DHRSX: variants seen among roughly 807,000 people sequenced by gnomAD.
DHRSX encodes the protein polyprenol dehydrogenase.
A neutral mutation model predicts 34.0 loss-of-function variants in DHRSX; 31 were observed. The observed-to-expected ratio is 0.91, with a 90% CI of 0.69 to 1.23. DHRSX has a LOEUF of 1.23. DHRSX is among the 50% of genes most tolerant of loss of function. The pLI, the probability that DHRSX is intolerant of heterozygous loss-of-function variation, is 0.00. For synonymous variants in DHRSX, 201 were observed against 183.8 expected (o/e 1.09, Z -0.76); for missense variants, 414 against 428.1 (o/e 0.97, Z 0.29).
intron 3 of DHRSX, among the ~76,000 whole-genome samples, chrX:2,335,629 T>C (rs2042549662): frequency 6.6e-6 from 1 of 151,770 alleles, no homozygotes; most frequent in Non-Finnish European, 1.5e-5. Context: ...TTTTAAAATA[T>C]TTTTAGTAGA....
At chrX:2,322,930 G>T (rs759176489) in intron 3 of DHRSX, among the ~76,000 whole-genome samples, 23 of 152,048 alleles carry the variant, frequency 1.5e-4, no homozygotes, top group Non-Finnish European at 2.1e-4. Context: ...TGTTGTTGTT[G>T]TTGTTGTTTT....
intron 1 of DHRSX, among the ~76,000 whole-genome samples, chrX:2,448,274 A>G (rs1403334091): frequency 6.6e-6 from 1 of 152,212 alleles, no homozygotes; most frequent in Non-Finnish European, 1.5e-5. Flanking sequence ...TGGAGGCTGC[A>G]GTGAGCTATG....
chrX:2,367,527 A>G (rs1161095199), intron 3 of DHRSX, among the ~76,000 whole-genome samples: 1 of 152,114 alleles, frequency 6.6e-6, no homozygotes, highest in Non-Finnish European at 1.5e-5. Flanking sequence ...GGAATTGAAA[A>G]TAAGAACAGG....
intron 5 of DHRSX, among the ~76,000 whole-genome samples, chrX:2,248,830 C>T (rs2016365040): frequency 6.6e-6 from 1 of 152,048 alleles, no homozygotes; most frequent in Non-Finnish European, 1.5e-5. Context: ...TAGATCACAC[C>T]CTCTTCCTCC....
intron 1 of DHRSX, among the ~76,000 whole-genome samples, chrX:2,485,530 G>T (rs757628871): frequency 1.4e-5 from 2 of 147,206 alleles, no homozygotes; most frequent in African/African-American, 2.5e-5. Context: ...AAAGAGGAAG[G>T]GAGGGAGGGA....
At chrX:2,377,568 CA>C (rs2043156060) in intron 3 of DHRSX, among the ~76,000 whole-genome samples, 1 of 152,004 alleles carries the variant, frequency 6.6e-6, no homozygotes, top group South Asian at 2.1e-4. Flanking sequence ...AGTCCACAGC[CA>C]GGGGGTTGGA....
chrX:2,290,830 CTT>C (rs2041856660), intron 4 of DHRSX, among the ~76,000 whole-genome samples: 1 of 152,140 alleles, frequency 6.6e-6, no homozygotes, highest in Non-Finnish European at 1.5e-5. Context: ...TTCAGGTTAA[CTT>C]TTATAAAAAA....
intron 5 of DHRSX, among the ~76,000 whole-genome samples, chrX:2,245,978 C>CA (rs1218727541): frequency 7.6e-6 from 1 of 131,658 alleles, no homozygotes; most frequent in Non-Finnish European, 1.6e-5. Flanking sequence ...AACAAAAAAA[C>CA]AAAAAAACAC....
chrX:2,484,005 C>T (rs1484583216), intron 1 of DHRSX, among the ~76,000 whole-genome samples: 3 of 152,164 alleles, frequency 2.0e-5, no homozygotes, highest in East Asian at 3.9e-4. Context: ...CACGGAGTCT[C>T]GCTCTTGTCG....
At chrX:2,283,027 C>T (rs2041748838) in intron 4 of DHRSX, among the ~76,000 whole-genome samples, 1 of 147,674 alleles carries the variant, frequency 6.8e-6, no homozygotes, top group Non-Finnish European at 1.5e-5. Flanking sequence ...GACAGAGAGA[C>T]GGGGAGAAGG....
intron 1 of DHRSX, among the ~76,000 whole-genome samples, chrX:2,464,120 C>T (rs1040095198): frequency 6.6e-6 from 1 of 151,838 alleles, no homozygotes; most frequent in East Asian, 1.9e-4. Context: ...GGCTAAGGGA[C>T]GGCCGCCATG....
intron 3 of DHRSX, among the ~76,000 whole-genome samples, chrX:2,353,821 G>A (rs1200983311): frequency 6.6e-6 from 1 of 151,940 alleles, no homozygotes; most frequent in Non-Finnish European, 1.5e-5. Context: ...CTGACCTCAG[G>A]TGATCCTCCT....
At chrX:2,424,413 C>T (rs1380924886) in intron 2 of DHRSX, among the ~76,000 whole-genome samples, 2 of 152,076 alleles carry the variant, frequency 1.3e-5, no homozygotes, top group African/African-American at 4.8e-5. Context: ...TGTCTACAAG[C>T]CAAGGAGTGA....
intron 1 of DHRSX, among the ~76,000 whole-genome samples, chrX:2,452,338 G>A (rs1410470406): frequency 4.6e-5 from 7 of 151,122 alleles, no homozygotes; most frequent in Non-Finnish European, 2.9e-5. Flanking sequence ...GGACGGCACT[G>A]AAGACGTTCC....
intron 1 of DHRSX, among the ~76,000 whole-genome samples, chrX:2,426,464 CTCCCTCCTTCCTTCCT>C (rs1048676612): frequency 8.5e-6 from 1 of 118,224 alleles, no homozygotes; most frequent in African/African-American, 3.3e-5. Flanking sequence ...CTTTCCTTCC[CTCCCTCCTTCCTTCCT>C]TCCCTCCCTC....
intron 1 of DHRSX, chrX:2,490,462 C>T: frequency 6.2e-7 from 1 of 1,613,994 alleles, no homozygotes; most frequent in Non-Finnish European, 8.5e-7. Flanking sequence ...AGGCTTCACG[C>T]ATCTGCTCCG....
chrX:2,230,845 C>T (rs185976056), intron 6 of DHRSX, among the ~76,000 whole-genome samples: 3 of 152,300 alleles, frequency 2.0e-5, no homozygotes, highest in Non-Finnish European at 2.9e-5. Flanking sequence ...CCCGCCCCTA[C>T]AATCCCAAGA....
At chrX:2,271,179 G>A (rs1012007267) in intron 4 of DHRSX, among the ~76,000 whole-genome samples, 7 of 152,220 alleles carry the variant, frequency 4.6e-5, no homozygotes, top group African/African-American at 1.4e-4. Flanking sequence ...TGAAGTCAGC[G>A]AGTCTGCGAA....
chrX:2,312,487 C>T (rs2042175338), intron 3 of DHRSX, among the ~76,000 whole-genome samples: 1 of 151,912 alleles, frequency 6.6e-6, no homozygotes, highest in Non-Finnish European at 1.5e-5. Context: ...GAAAACCAAA[C>T]ACTGCATGTT....
Sources: gnomAD v4.1 joint callset for allele counts (sites outside exome capture counted in the v4.1 genomes callset) on GRCh38, gnomAD v4.1.1 for gene constraint, MANE v1.5 for transcripts, NCBI Gene and HGNC (gene_info 2026-07-23, HGNC 2026-07-21) for gene names.